Variants in YIPF7 observed in about 807,000 individuals in gnomAD.
YIPF7 encodes Yip1 domain family member 7, also known as protein YIPF7.
In YIPF7, 35 loss-of-function variants were observed where a neutral mutation model predicts 27.2. That is an observed-to-expected ratio of 1.29 (90% confidence interval 0.98 to 1.70). The LOEUF (loss-of-function observed/expected upper bound fraction) is 1.70, where lower values mean the gene tolerates loss of function less well. Ranked by LOEUF, YIPF7 falls within the 40% of genes most tolerant of loss-of-function variation. The pLI is 0.00. For synonymous variants in YIPF7, 137 were observed against 110.4 expected (o/e 1.24, Z -1.51); for missense variants, 358 against 303.7 (o/e 1.18, Z -1.33).
At chr4:44,631,120 A>T (rs1019380320) in intron 3 of YIPF7, among the ~76,000 whole-genome samples, 1 of 152,218 alleles carries the variant, frequency 6.6e-6, no homozygotes, top group South Asian at 2.1e-4. Flanking sequence ...TTGACAGATT[A>T]ATTTGTCTGA....
rs765592822 is a variant in YIPF7 at position 44,636,054 on chromosome 4, A to G, written c.148T>C (p.Ser50Pro). The G allele has an allele frequency of 5.0e-6, 8 of 1,612,316 alleles. No individual in the cohort carries two copies. Among genetic ancestry groups the G allele is most frequent in the Non-Finnish European group, 6.8e-6 (8 of 1,178,886 alleles). ...ATGAGCATCTCTGATGGAACAAAGGAGGCAGGCTGAGGCTGCTCACCAGCT... is the reference window on the plus strand; with the variant it reads ...ATGAGCATCTCTGATGGAACAAAGGGGGCAGGCTGAGGCTGCTCACCAGCT... ...QQAGEQPQPA[S>P]FVPSEMLMSS... The change falls in exon 3 of 6, where the codon TCC becomes CCC. Residue 50 changes from serine to proline, a missense_variant. Ser to Pro is a moderately conservative substitution (Grantham distance 74). Coordinates refer to ENST00000415895, the MANE Select transcript of YIPF7 (RefSeq NM_182592.3).
chr4:44,636,175 A>C (rs927650971), intron 2 of YIPF7, 90 bp from the exon 3 acceptor site: 2 of 1,360,212 alleles, frequency 1.5e-6, no homozygotes, highest in Non-Finnish European at 2.0e-6. Context: ...ACATGAATTC[A>C]TGTAGTTTTT....
chr4:44,629,363 G>T, intron 4 of YIPF7, 40 bp downstream of exon 4: 1 of 1,543,368 alleles, frequency 6.5e-7, no homozygotes, highest in South Asian at 1.3e-5. Context: ...GCACTGGAAA[G>T]GACAAGCATT....
intron 2 of YIPF7, among the ~76,000 whole-genome samples, chr4:44,642,241 A>C (rs1713349964): frequency 6.6e-6 from 1 of 152,308 alleles, no homozygotes; most frequent in Non-Finnish European, 1.5e-5. Context: ...ATTTTACAGA[A>C]AAAAATTCTC....
chr4:44,627,852 G>A (rs147426889), intron 4 of YIPF7, among the ~76,000 whole-genome samples: 90 of 152,112 alleles, frequency 5.9e-4, no homozygotes, highest in African/African-American at 1.8e-3. Flanking sequence ...CAATTTTCTC[G>A]CTTCCAGTTA....
chr4:44,635,986 G>GT lies in YIPF7; in HGVS notation c.215dup (p.Asn72LysfsTer12). 1 of 1,613,940 alleles carries GT rather than the reference G, an allele frequency of 6.2e-7. No individual in the cohort carries two copies. Among genetic ancestry groups the GT allele is most frequent in the Non-Finnish European group, 8.5e-7 (1 of 1,179,840 alleles). ...AAGGAGATTGTGAATAATAATCTGA[G>GT]TTGGATGCTGGCTGAAAAAATTGTC... On this transcript the variant is annotated frameshift_variant, in exon 3 of 6. Coordinates refer to ENST00000415895, the MANE Select transcript of YIPF7 (RefSeq NM_182592.3). LOFTEE classifies it high-confidence loss of function.
chr4:44,634,885 T>C (rs947576414), intron 3 of YIPF7, among the ~76,000 whole-genome samples: 1 of 152,220 alleles, frequency 6.6e-6, no homozygotes, highest in Admixed American at 6.5e-5. Context: ...TGTTTATTAC[T>C]TGTAGAGGCA....
intron 4 of YIPF7, 136 bp from the exon 5 acceptor site, chr4:44,624,918 T>G: frequency 1.3e-6 from 1 of 742,040 alleles, no homozygotes; most frequent in South Asian, 2.6e-5. Context: ...ATCAGGAGAC[T>G]GGAAGTTCTG....
chr4:44,659,525 A>C (rs532849813), intron 2 of YIPF7, among the ~76,000 whole-genome samples: 17 of 152,352 alleles, frequency 1.1e-4, no homozygotes, highest in African/African-American at 4.1e-4. Context: ...CGACCAATTC[A>C]TAACGGAAAA....
intron 3 of YIPF7, among the ~76,000 whole-genome samples, chr4:44,632,616 A>T (rs113994332): frequency 6.6e-6 from 1 of 152,218 alleles, no homozygotes; most frequent in African/African-American, 2.4e-5. Context: ...ATTTTTGTGC[A>T]TAGTATTATA....
chr4:44,652,150 T>C (rs1369487684), upstream of YIPF7, among the ~76,000 whole-genome samples: 1 of 152,210 alleles, frequency 6.6e-6, no homozygotes, highest in Non-Finnish European at 1.5e-5. Flanking sequence ...TAATGGGATC[T>C]AGTGCTTCTT....
At chr4:44,644,881 C>T (rs1297349933) in intron 2 of YIPF7, among the ~76,000 whole-genome samples, 1 of 152,082 alleles carries the variant, frequency 6.6e-6, no homozygotes, top group African/African-American at 2.4e-5. Context: ...GGTTTAGCAC[C>T]ATCCCCCATT....
intron 2 of YIPF7, among the ~76,000 whole-genome samples, chr4:44,659,219 T>C (rs1255109318): frequency 6.6e-6 from 1 of 151,786 alleles, no homozygotes; most frequent in Admixed American, 6.6e-5. Flanking sequence ...AGTGCAGTAA[T>C]AAATTATATT....
In YIPF7 at chr4:44,622,364, A is replaced by G; in HGVS notation, c.*50T>C. ...AAATTTGAATGTTAATATATTTCCA[A>G]AATAATCTGGACAGCAAACAGAGTC... On this transcript the variant is annotated 3_prime_UTR_variant, in exon 6 of 6. Transcript: ENST00000415895. 6.4e-7 allele frequency: 1 copy of G among 1,553,368 alleles called. No homozygotes were observed. The highest frequency in any genetic ancestry group is 8.7e-7 in the Non-Finnish European group (1 of 1,151,668).
intron 2 of YIPF7, among the ~76,000 whole-genome samples, chr4:44,656,743 A>T (rs949161734): frequency 1.3e-5 from 2 of 151,876 alleles, no homozygotes; most frequent in Non-Finnish European, 2.9e-5. Context: ...TTATCAAAAG[A>T]AGATAGGAGG....
At chr4:44,629,672 T>G in intron 3 of YIPF7, 124 bp from the exon 4 acceptor site, 1 of 668,476 alleles carries the variant, frequency 1.5e-6, no homozygotes, top group Non-Finnish European at 2.2e-6. Context: ...GATTGTTCTA[T>G]CATACCTTCT....
At chr4:44,623,791 A>T (rs1316272182) in intron 5 of YIPF7, among the ~76,000 whole-genome samples, 1 of 152,172 alleles carries the variant, frequency 6.6e-6, no homozygotes, top group African/African-American at 2.4e-5. Context: ...TTGACTGAGC[A>T]TGTATGATAT....
At chr4:44,638,950 C>A (rs1713234072) in intron 2 of YIPF7, among the ~76,000 whole-genome samples, 3 of 152,070 alleles carry the variant, frequency 2.0e-5, no homozygotes. Context: ...AAAGAGTGTC[C>A]TTTTTCCAAC....
chr4:44,623,896 A>C (rs1259000415), intron 5 of YIPF7, among the ~76,000 whole-genome samples: 7 of 152,196 alleles, frequency 4.6e-5, no homozygotes, highest in Non-Finnish European at 1.5e-5. Context: ...TCAGCCCAGA[A>C]GGCAGAGTGC....
Sources: allele counts gnomAD v4.1 joint callset (sites outside exome capture counted in the v4.1 genomes callset), GRCh38; gene constraint gnomAD v4.1.1; transcripts MANE v1.5; gene names NCBI Gene and HGNC (gene_info 2026-07-23, HGNC 2026-07-21).